SRPK2: variants seen among roughly 807,000 people sequenced by gnomAD.
SRPK2 encodes the protein SRSF protein kinase 2, also known as SFRS protein kinase 2.
SRPK2 carries 21 observed loss-of-function variants against 90.8 expected under a neutral mutation model. The ratio of observed to expected loss-of-function variants is 0.23; its 90% CI spans 0.16 to 0.33. The LOEUF (loss-of-function observed/expected upper bound fraction) is 0.33. Ranked by LOEUF, SRPK2 falls within the 10% of genes least tolerant of loss-of-function variation. The pLI, the probability that SRPK2 is intolerant of heterozygous loss-of-function variation, is 1.00. For missense variants in SRPK2, 620 were observed against 869.0 expected, an observed-to-expected ratio of 0.71 and a Z score of 3.60; for synonymous variants, 288 against 311.1, an observed-to-expected ratio of 0.93 and a Z score of 0.78.
At chr7:105,328,514 G>A (rs1209343486) in intron 2 of SRPK2, among the ~76,000 whole-genome samples, 10 of 123,684 alleles carry the variant, frequency 8.1e-5, no homozygotes, top group East Asian at 2.4e-4. Context: ...AGTGAGCTGC[G>A]ATCAGGCCAC....
At chr7:105,242,446 A>T (rs1800940634) in intron 2 of SRPK2, among the ~76,000 whole-genome samples, 2 of 152,162 alleles carry the variant, frequency 1.3e-5, no homozygotes, top group Non-Finnish European at 2.9e-5. Flanking sequence ...TGGGAGGCAG[A>T]GGTTGCAGTG....
chr7:105,336,652 A>G (rs996683725), intron 2 of SRPK2, among the ~76,000 whole-genome samples: 10 of 152,232 alleles, frequency 6.6e-5, no homozygotes, highest in African/African-American at 2.4e-4. Context: ...CATTGAGGAA[A>G]GAGTCTGTTG....
At chr7:105,275,763 A>C (rs955576650) in intron 2 of SRPK2, among the ~76,000 whole-genome samples, 1 of 152,296 alleles carries the variant, frequency 6.6e-6, no homozygotes, top group South Asian at 2.1e-4. Flanking sequence ...TCCTAGGAGA[A>C]AAACGGAGCC....
chr7:105,357,535 G>A (rs542255144), intron 2 of SRPK2, among the ~76,000 whole-genome samples: 1 of 152,148 alleles, frequency 6.6e-6, no homozygotes, highest in African/African-American at 2.4e-5. Context: ...CCTGAGGTCA[G>A]GAGTTCAGGA....
At chr7:105,328,684 G>A (rs1254785750) in intron 2 of SRPK2, among the ~76,000 whole-genome samples, 1 of 151,374 alleles carries the variant, frequency 6.6e-6, no homozygotes, top group Non-Finnish European at 1.5e-5. Flanking sequence ...CTAACACGGT[G>A]AAACCCCATC....
In SRPK2 at chr7:105,170,957, AAGAAAGAAAGAGAAAGAAAG is replaced by A. The variant is rs1176799935; in HGVS notation, c.230-1712_230-1693del. Among the ~76,000 whole-genome samples, 34 of 43,520 alleles carry A rather than the reference AAGAAAGAAAGAGAAAGAAAG, an allele frequency of 7.8e-4. 4 individuals are homozygous for A. Among genetic ancestry groups the A allele is most frequent in the African/African-American group, 2.3e-3 (29 of 12,832 alleles). The allele number at this position is 43,520 out of a possible 152,430, so 28.6% of individuals were successfully genotyped here. Reference sequence around the variant, plus strand: ...AAGGAAAGAAAGAAAGAAAGAAAGAAAGAAAGAAAGAGAAAGAAAGAGAAAGAAAGAAAGAAAGAGAAAGA... The same window carrying A: ...AAGGAAAGAAAGAAAGAAAGAAAGAAAGAAAGAAAGAAAGAAAGAGAAAGA... On this transcript the variant is annotated intron_variant, in intron 3 of 15. Coordinates refer to ENST00000393651, the MANE Select transcript of SRPK2 (RefSeq NM_182692.3).
chr7:105,236,137 C>A (rs1005429660), intron 2 of SRPK2, among the ~76,000 whole-genome samples: 3 of 152,146 alleles, frequency 2.0e-5, no homozygotes, highest in African/African-American at 7.2e-5. Flanking sequence ...TGAGAAGGTG[C>A]CTTCCTAACA....
chr7:105,210,044 G>T (rs1796668744), intron 2 of SRPK2, among the ~76,000 whole-genome samples: 1 of 152,134 alleles, frequency 6.6e-6, no homozygotes, highest in South Asian at 2.1e-4. Flanking sequence ...AACAACCGAG[G>T]AAACTACAAG....
At chr7:105,393,567 A>G (rs1244733744), upstream of SRPK2, among the ~76,000 whole-genome samples, 1 of 131,750 alleles carries the variant, frequency 7.6e-6, no homozygotes, top group Non-Finnish European at 1.6e-5. Context: ...GACAAAAATT[A>G]CTGTCACTAT....
chr7:105,117,798 G>A lies in SRPK2; in HGVS notation c.*40C>T. 6.2e-7 allele frequency: 1 copy of A among 1,603,342 alleles called. No homozygotes were observed. Among genetic ancestry groups the A allele is most frequent in the East Asian group, 2.2e-5 (1 of 44,730 alleles). ...TCACCGTTTAGGTCCAATGTACTGG[G>A]AACATTTGCTAGCTCAGAATGCAAT... On this transcript the variant is annotated 3_prime_UTR_variant, in exon 16 of 16. Transcript: ENST00000393651.
intron 3 of SRPK2, among the ~76,000 whole-genome samples, chr7:105,170,790 A>AAGGACGGAC (rs1554435316): frequency 1.4e-5 from 1 of 70,378 alleles, no homozygotes; most frequent in Non-Finnish European, 2.5e-5. Context: ...GACGGGAGGG[A>AAGGACGGAC]GGGAGGGAGG....
At chr7:105,176,547 T>A (rs1444641174) in intron 3 of SRPK2, among the ~76,000 whole-genome samples, 3 of 150,472 alleles carry the variant, frequency 2.0e-5, no homozygotes, top group Non-Finnish European at 4.4e-5. Context: ...ATGTATGTGG[T>A]TTTGCATATA....
intron 3 of SRPK2, among the ~76,000 whole-genome samples, chr7:105,178,210 C>T (rs561440161): frequency 1.0e-3 from 156 of 151,998 alleles, no homozygotes; most frequent in Non-Finnish European, 1.9e-3. Flanking sequence ...ACAGCAAAAA[C>T]ACTAATAATA....
rs1050419 is a variant in SRPK2 at position 105,126,285 on chromosome 7, T to G, written c.1878A>C (p.Leu626=). The G allele has an allele frequency of 6.2e-7, 1 of 1,614,038 alleles. No homozygotes were observed. Among genetic ancestry groups the G allele is most frequent in the Non-Finnish European group, 8.5e-7 (1 of 1,179,978 alleles). The stretch of plus-strand genomic sequence containing the variant: ...AGAATTCCCGAGAATATTTTCCAGA[T>G]AGAGCAAAGTGCCTTGGAATACTGC... ...LLGSIPRHFA[L]SGKYSREFFN... The change falls in exon 15 of 16, where the codon CTA becomes CTC. Residue 626 remains leucine, a synonymous_variant. Transcript: ENST00000393651.
intron 2 of SRPK2, among the ~76,000 whole-genome samples, chr7:105,290,390 C>G (rs1246230752): frequency 1.3e-5 from 2 of 151,942 alleles, no homozygotes; most frequent in Non-Finnish European, 2.9e-5. Flanking sequence ...AGCTACTACC[C>G]AGAAGGCTGA....
chr7:105,126,500 C>T lies in SRPK2; in HGVS notation c.1823-160G>A, dbSNP rs1584875100. Among the ~76,000 whole-genome samples, 4 of 152,296 alleles carry T rather than the reference C, an allele frequency of 2.6e-5. No individual in the cohort carries two copies. In the South Asian group the frequency reaches 6.2e-4, roughly 24 times the overall value. On this transcript the variant is annotated intron_variant, in intron 14 of 15. Transcript: ENST00000393651. ...GCAGAGGCTTGTGGGAATGGCAGGC[C>T]TCAGGCACCACCTGGAGCAGTAACA...
rs140669205 is a variant in SRPK2, at chr7:105,295,206, G to A, written c.72-91421C>T. On this transcript the variant is annotated intron_variant, in intron 2 of 15. Transcript: ENST00000393651. ...AGCCTGGGTGACAGAGCGAGAACCC[G>A]TCTCAAAAAAAAAAAAAATTGAATG... Among the ~76,000 whole-genome samples, 435 of 64,532 alleles carry A rather than the reference G, an allele frequency of 6.7e-3. 10 individuals are homozygous for A. Among genetic ancestry groups the A allele is most frequent in the East Asian group, 0.064 (279 of 4,336 alleles). 42.3% of individuals were successfully genotyped at this position (64,532 alleles called of 152,430 possible).
intron 2 of SRPK2, among the ~76,000 whole-genome samples, chr7:105,308,965 T>G (rs1420506468): frequency 6.6e-6 from 1 of 152,124 alleles, no homozygotes; most frequent in Non-Finnish European, 1.5e-5. Context: ...AGAATCCTGC[T>G]TAGGGCCCTT....
At chr7:105,230,043 G>C (rs1394045017) in intron 2 of SRPK2, among the ~76,000 whole-genome samples, 2 of 152,332 alleles carry the variant, frequency 1.3e-5, no homozygotes, top group South Asian at 2.1e-4. Flanking sequence ...TTTTGTAAAA[G>C]GAGAATCAGT....
Sources: allele counts gnomAD v4.1 joint callset (sites outside exome capture counted in the v4.1 genomes callset), GRCh38; gene constraint gnomAD v4.1.1; transcripts MANE v1.5; gene names NCBI Gene and HGNC (gene_info 2026-07-23, HGNC 2026-07-21).